The following BCKDHB variants were observed in gnomAD, a reference collection of about 807,000 sequenced individuals.
BCKDHB encodes branched chain keto acid dehydrogenase E1 subunit beta, also known as 2-oxoisovalerate dehydrogenase subunit beta, mitochondrial.
A neutral mutation model predicts 48.5 loss-of-function variants in BCKDHB; 41 were observed. The ratio of observed to expected loss-of-function variants is 0.85; its 90% CI spans 0.66 to 1.10. BCKDHB has a LOEUF of 1.10. Ranked by LOEUF, BCKDHB falls within the 50% of genes least tolerant of loss-of-function variation. BCKDHB has a pLI of 0.00. For synonymous variants in BCKDHB, 201 were observed against 174.8 expected (o/e 1.15, Z -1.18); for missense variants, 496 against 494.2 (o/e 1.00, Z -0.03).
the BCKDHB span, among the ~76,000 whole-genome samples, chr6:80,386,071 A>G: frequency 6.6e-6 from 1 of 152,184 alleles, no homozygotes; most frequent in Non-Finnish European, 1.5e-5. Context: ...CAAAGGTTTA[A>G]GGGGATTGGG....
chr6:80,335,699 T>C (rs1470145532), intron 9 of BCKDHB, among the ~76,000 whole-genome samples: 1 of 152,070 alleles, frequency 6.6e-6, no homozygotes. Flanking sequence ...ACAGAATGTT[T>C]TGCAGAGAGA....
chr6:80,352,559 A>T, the BCKDHB span, among the ~76,000 whole-genome samples: 1 of 152,156 alleles, frequency 6.6e-6, no homozygotes, highest in African/African-American at 2.4e-5. Context: ...TTAGGTTTCT[A>T]TTGCTTGCAA....
the BCKDHB span, among the ~76,000 whole-genome samples, chr6:80,370,320 A>G: frequency 3.3e-5 from 5 of 152,308 alleles, no homozygotes; most frequent in South Asian, 8.3e-4. Flanking sequence ...GCATCCATCT[A>G]TTCAGAAGAC....
At chr6:80,245,969 G>C (rs1282982573) in intron 8 of BCKDHB, among the ~76,000 whole-genome samples, 1 of 152,052 alleles carries the variant, frequency 6.6e-6, no homozygotes, top group Non-Finnish European at 1.5e-5. Flanking sequence ...CCAGCTACTC[G>C]GGAGGCTGCT....
chr6:80,129,279 G>T (rs1770506083), intron 3 of BCKDHB, 50 bp downstream of exon 3: 1 of 1,484,570 alleles, frequency 6.7e-7, no homozygotes, highest in Non-Finnish European at 9.4e-7. Flanking sequence ...TTTACTAAAA[G>T]ATCTTAAAAA....
At chr6:80,140,896 T>C (rs900971632) in intron 3 of BCKDHB, among the ~76,000 whole-genome samples, 9 of 152,334 alleles carry the variant, frequency 5.9e-5, no homozygotes, top group African/African-American at 1.9e-4. Flanking sequence ...TTCCTCCTTG[T>C]ACCTCTGGTA....
At chr6:80,462,171 T>C in the BCKDHB span, among the ~76,000 whole-genome samples, 1 of 152,202 alleles carries the variant, frequency 6.6e-6, no homozygotes, top group African/African-American at 2.4e-5. Flanking sequence ...AGTTAGGAGT[T>C]CTTTCTTGTT....
downstream of BCKDHB, among the ~76,000 whole-genome samples, chr6:80,350,990 A>G (rs6921240): frequency 0.21 from 31,268 of 152,180 alleles, 3,718 homozygotes; most frequent in South Asian, 0.37. Flanking sequence ...GAAAGGAAGC[A>G]AAGGCTTATC....
intron 9 of BCKDHB, among the ~76,000 whole-genome samples, chr6:80,300,279 T>C (rs1388002671): frequency 6.6e-6 from 1 of 151,710 alleles, no homozygotes; most frequent in East Asian, 1.9e-4. Context: ...CTCAAAATCC[T>C]GGGCTCAAGC....
intron 8 of BCKDHB, among the ~76,000 whole-genome samples, chr6:80,224,669 G>T (rs1775604735): frequency 6.6e-6 from 1 of 152,032 alleles, no homozygotes; most frequent in Admixed American, 6.6e-5. Flanking sequence ...TTAAGTGCTG[G>T]GATTACAGGA....
the BCKDHB span, among the ~76,000 whole-genome samples, chr6:80,399,588 A>C: frequency 6.6e-6 from 1 of 152,196 alleles, no homozygotes; most frequent in African/African-American, 2.4e-5. Context: ...TGCTCAAAGA[A>C]ATCACAGAAG....
At chr6:80,181,902 A>G (rs944735214) in intron 6 of BCKDHB, among the ~76,000 whole-genome samples, 4 of 152,178 alleles carry the variant, frequency 2.6e-5, no homozygotes, top group Admixed American at 6.5e-5. Flanking sequence ...ATATGTTTGT[A>G]CTGAAAAGTA....
At chr6:80,317,251 G>A (rs1029986038) in intron 9 of BCKDHB, among the ~76,000 whole-genome samples, 1 of 152,070 alleles carries the variant, frequency 6.6e-6, no homozygotes, top group Non-Finnish European at 1.5e-5. Context: ...AACTTAAAGG[G>A]TACACCCCCA....
intron 8 of BCKDHB, among the ~76,000 whole-genome samples, chr6:80,211,906 C>G (rs1465731802): frequency 6.6e-6 from 1 of 151,998 alleles, no homozygotes; most frequent in Non-Finnish European, 1.5e-5. Flanking sequence ...TTAAGGGCTT[C>G]AAAAGGGGAG....
chr6:80,166,956 T>C (rs887869475), intron 3 of BCKDHB, among the ~76,000 whole-genome samples: 4 of 152,208 alleles, frequency 2.6e-5, no homozygotes, highest in Non-Finnish European at 5.9e-5. Context: ...ATGCCTTTTT[T>C]GTCAGTTATT....
intron 4 of BCKDHB, among the ~76,000 whole-genome samples, chr6:80,168,605 AAAGG>A (rs940708353): frequency 1.7e-4 from 17 of 101,976 alleles, no homozygotes; most frequent in Non-Finnish European, 2.9e-4. Context: ...AGGAAGGAAG[AAAGG>A]AAGGAAGGAG....
the BCKDHB span, among the ~76,000 whole-genome samples, chr6:80,384,199 G>A: frequency 6.6e-6 from 1 of 152,162 alleles, no homozygotes; most frequent in African/African-American, 2.4e-5. Flanking sequence ...AATTGGGTGG[G>A]TACCATCTAA....
chr6:80,167,952 G>A (rs879163635), intron 4 of BCKDHB, 141 bp downstream of exon 4: 11 of 980,676 alleles, frequency 1.1e-5, no homozygotes, highest in East Asian at 5.3e-5. Flanking sequence ...TTTGTTATGA[G>A]CATATATTTA....
the BCKDHB span, among the ~76,000 whole-genome samples, chr6:80,359,804 G>T: frequency 0.012 from 1,857 of 152,186 alleles, 43 homozygotes; most frequent in African/African-American, 0.042. Flanking sequence ...TGTTGGTCAG[G>T]CTGGTCTCAA....
Sources: allele counts gnomAD v4.1 joint callset (sites outside exome capture counted in the v4.1 genomes callset), GRCh38; gene constraint gnomAD v4.1.1; transcripts MANE v1.5; gene names NCBI Gene and HGNC (gene_info 2026-07-23, HGNC 2026-07-21).